The following POFUT2 variants were observed in gnomAD, a reference collection of about 807,000 sequenced individuals.
The protein encoded by POFUT2 is GDP-fucose protein O-fucosyltransferase 2.
POFUT2 carries 30 observed loss-of-function variants against 55.0 expected under a neutral mutation model. The observed-to-expected ratio is 0.55, with a 90% CI of 0.41 to 0.74. The LOEUF is 0.74. Ranked by LOEUF, POFUT2 falls within the 30% of genes least tolerant of loss-of-function variation. The pLI, the probability that POFUT2 is intolerant of heterozygous loss-of-function variation, is 0.00. For missense variants in POFUT2, 524 were observed against 562.6 expected, an observed-to-expected ratio of 0.93 and a Z score of 0.69; for synonymous variants, 267 against 231.1, an observed-to-expected ratio of 1.16 and a Z score of -1.41.
rs1348156690 is a variant in POFUT2 at position 45,265,298 on chromosome 21, GGCTGGCAACGCCGAGGACGGAGCCCA to G, written c.*158_*183del. 10 of 452,252 alleles carry G rather than the reference GGCTGGCAACGCCGAGGACGGAGCCCA, an allele frequency of 2.2e-5. No individual in the cohort carries two copies. The highest frequency in any genetic ancestry group is 1.0e-4 in the African/African-American group (5 of 49,678). The allele number at this position is 452,252 out of a possible 1,614,324, so 28.0% of individuals were successfully genotyped here. On this transcript the variant is annotated 3_prime_UTR_variant, in exon 9 of 9. Coordinates refer to ENST00000349485, the MANE Select transcript of POFUT2 (RefSeq NM_133635.6). This position sits in a 1 kb window ranked among gnomAD's most constrained non-coding sequence, Gnocchi z 4.6. ...GCGGAGCCTCTTCATCAGCCATGGC[GGCTGGCAACGCCGAGGACGGAGCCCA>G]GCTCTAGAGGCGTGGGGCCTCTTCT...
intron 2 of POFUT2, 38 bp from the exon 3 acceptor site, chr21:45,283,565 G>T (rs766150249): frequency 6.8e-6 from 11 of 1,608,720 alleles, no homozygotes; most frequent in Non-Finnish European, 9.3e-6. Flanking sequence ...GTGTGACAGC[G>T]ATCAGAAGCT....
At position 45,267,276 on chromosome 21, in the gene POFUT2, A is replaced by G; in HGVS notation, c.1136+314T>C. 2.1e-6 allele frequency: 3 copies of G among 1,444,332 alleles called. 1 individual carries two copies. The highest frequency in any genetic ancestry group is 2.7e-6 in the Non-Finnish European group (3 of 1,105,048). The allele number at this position is 1,444,332 out of a possible 1,614,324, so 89.5% of individuals were successfully genotyped here. ...ACGGGCAACTCTCAGGGCAGGGGGC[A>G]GACAGGGGCAGAAACCGGGAATGAT... On this transcript the variant is annotated intron_variant, in intron 8 of 8. Coordinates refer to ENST00000349485, the MANE Select transcript of POFUT2 (RefSeq NM_133635.6). This position sits in a 1 kb window ranked among gnomAD's most constrained non-coding sequence, Gnocchi z 4.4.
intron 6 of POFUT2, among the ~76,000 whole-genome samples, chr21:45,273,328 A>T (rs1175380760): frequency 6.6e-6 from 1 of 152,206 alleles, no homozygotes; most frequent in Non-Finnish European, 1.5e-5. Context: ...CTAGATATAG[A>T]CCAGGAAGAA....
chr21:45,267,514 C>G lies in POFUT2; in HGVS notation c.1136+76G>C, dbSNP rs774889771. 3.1e-5 allele frequency: 50 copies of G among 1,614,074 alleles called. No homozygotes were observed. In the East Asian group the frequency reaches 1.1e-3, roughly 36 times the overall value. On this transcript the variant is annotated intron_variant, in intron 8 of 8. Transcript: ENST00000349485. The surrounding 1 kb of genome is among the most constrained non-coding windows in gnomAD (Gnocchi z 4.4). ...GAACACAGGCGACCATCTGCTCTGA[C>G]ACCGAGTACTTGGGACAGAAGAACC...
At chr21:45,283,752 C>G (rs2031054057) in intron 2 of POFUT2, among the ~76,000 whole-genome samples, 1 of 152,126 alleles carries the variant, frequency 6.6e-6, no homozygotes, top group South Asian at 2.1e-4. Flanking sequence ...GAGCTGGTAC[C>G]CGATTCCCCG....
rs754254629 is a variant in POFUT2, at chr21:45,285,872, T to C, written c.188A>G (p.Tyr63Cys). The C allele has an allele frequency of 3.7e-6, 6 of 1,612,964 alleles. No individual in the cohort carries two copies. Among genetic ancestry groups the C allele is most frequent in the Non-Finnish European group, 5.1e-6 (6 of 1,179,848 alleles). Reference sequence around the variant, plus strand: ...CTTCAGGAGAGAGGCGATTCGGATATAGACATCCCTGCGCAGGTTGAAGCC... The same window carrying C: ...CTTCAGGAGAGAGGCGATTCGGATACAGACATCCCTGCGCAGGTTGAAGCC... ...PEGFNLRRDVYIRIASLLKTL... is the reference protein window; with the variant it reads ...PEGFNLRRDVCIRIASLLKTL... Residue 63 changes from tyrosine (Y) to cysteine (C), a missense_variant, in exon 2 of 9, where the codon TAT becomes TGT. By Grantham distance (194) the Tyr-to-Cys change is radical. Around this residue, in one of 2 missense-constraint regions of POFUT2, gnomAD observed 274 missense variants for 244.4 expected, o/e 1.12. Coordinates refer to ENST00000349485, the MANE Select transcript of POFUT2 (RefSeq NM_133635.6). This position sits in a 1 kb window ranked among gnomAD's most constrained non-coding sequence, Gnocchi z 4.9.
At chr21:45,279,817 T>C (rs1011145317) in intron 4 of POFUT2, among the ~76,000 whole-genome samples, 2 of 152,176 alleles carry the variant, frequency 1.3e-5, no homozygotes, top group African/African-American at 2.4e-5. Flanking sequence ...GTGATGTCCA[T>C]GTGTCGTAAT....
rs2030636522 is a variant in POFUT2, at chr21:45,281,526, C to G, written c.638+823G>C. Among the ~76,000 whole-genome samples, 1 of 152,134 alleles carries G rather than the reference C, an allele frequency of 6.6e-6. No homozygotes were observed. Among genetic ancestry groups the G allele is most frequent in the Admixed American group, 6.5e-5 (1 of 15,286 alleles). On this transcript the variant is annotated intron_variant, in intron 4 of 8. Coordinates refer to ENST00000349485, the MANE Select transcript of POFUT2 (RefSeq NM_133635.6). This position sits in a 1 kb window ranked among gnomAD's most constrained non-coding sequence, Gnocchi z 5.0. ...GCAGCTGAGACCATGTGGTCCCGGC[C>G]CGCTGGGGCCAGCGGCAGCTGTTAC...
At position 45,269,893 on chromosome 21, in the gene POFUT2, T is replaced by C; in HGVS notation, c.958A>G (p.Met320Val). ...EGAVRKIRSL[M>V]KTHRLDKVFV... is the part of the protein sequence containing the mutation. ...ACCTTGTCCAGCCGGTGGGTCTTCATGAGGCTGCGGATCTTCCTCACGGCC... is the reference window on the plus strand; with the variant it reads ...ACCTTGTCCAGCCGGTGGGTCTTCACGAGGCTGCGGATCTTCCTCACGGCC... The change falls in exon 7 of 9, where the codon ATG becomes GTG. Residue 320 changes from methionine (M) to valine (V), a missense_variant. Coordinates refer to ENST00000349485, the MANE Select transcript of POFUT2 (RefSeq NM_133635.6). 1 of 1,611,688 alleles carries C rather than the reference T, an allele frequency of 6.2e-7. No individual in the cohort carries two copies. Among genetic ancestry groups the C allele is most frequent in the Non-Finnish European group, 8.5e-7 (1 of 1,179,230 alleles).
At position 45,282,192 on chromosome 21, in the gene POFUT2, C is replaced by A. The variant is rs1324932206; in HGVS notation, c.638+157G>T. On this transcript the variant is annotated intron_variant, in intron 4 of 8. Coordinates refer to ENST00000349485, the MANE Select transcript of POFUT2 (RefSeq NM_133635.6). The surrounding 1 kb of genome is among the most constrained non-coding windows in gnomAD (Gnocchi z 4.6). ...TGTTTCGCAGAGACACATGCAAGCA[C>A]TTCCCTAACCACCACCCCCCAGGGC... 2.0e-5 allele frequency among the ~76,000 whole-genome samples: 3 copies of A among 152,204 alleles called. No homozygotes were observed. Among genetic ancestry groups the A allele is most frequent in the Non-Finnish European group, 4.4e-5 (3 of 68,028 alleles).
chr21:45,268,480 C>T (rs2093179150), intron 7 of POFUT2, among the ~76,000 whole-genome samples: 1 of 151,564 alleles, frequency 6.6e-6, no homozygotes, highest in Non-Finnish European at 1.5e-5. Context: ...TGCCTGGCTG[C>T]CCAGTCTGGA....
At chr21:45,275,728 T>C (rs985917153) in intron 6 of POFUT2, among the ~76,000 whole-genome samples, 7 of 152,156 alleles carry the variant, frequency 4.6e-5, no homozygotes, top group African/African-American at 1.7e-4. Flanking sequence ...CAATGGACTT[T>C]GGGGACTCGA....
chr21:45,275,809 G>A (rs2093257909), intron 6 of POFUT2, among the ~76,000 whole-genome samples: 2 of 152,056 alleles, frequency 1.3e-5, no homozygotes, highest in Non-Finnish European at 2.9e-5. Flanking sequence ...CGGGTGATGG[G>A]TGTACCAAAA....
intron 4 of POFUT2, among the ~76,000 whole-genome samples, chr21:45,280,091 C>T (rs966378891): frequency 2.6e-5 from 4 of 152,154 alleles, no homozygotes; most frequent in South Asian, 2.1e-4. Flanking sequence ...ACATTCCGCA[C>T]GGGCACAGGT....
At position 45,282,751 on chromosome 21, in the gene POFUT2, C is replaced by G; in HGVS notation, c.528-292G>C. ...AGGCAGCCCTGTGCACCTTCAGGGC[C>G]AGCCTGGCTGTGACCGTCAGCCAAG... On this transcript the variant is annotated intron_variant, in intron 3 of 8. Transcript: ENST00000349485. The surrounding 1 kb of genome is among the most constrained non-coding windows in gnomAD (Gnocchi z 4.6). The G allele has an allele frequency of 1.9e-6, 1 of 533,062 alleles. No homozygotes were observed. Among genetic ancestry groups the G allele is most frequent in the Non-Finnish European group, 3.7e-6 (1 of 271,850 alleles). 33.0% of individuals were successfully genotyped at this position (533,062 alleles called of 1,614,324 possible). A position where few individuals can be genotyped will look rare whatever the true frequency, so the allele number is the denominator to read the frequency against.
chr21:45,269,323 A>G (rs1288347947), intron 7 of POFUT2, among the ~76,000 whole-genome samples: 5 of 152,230 alleles, frequency 3.3e-5, no homozygotes, highest in Non-Finnish European at 7.3e-5. Context: ...CAGGATGACA[A>G]TGGCGGCTTT....
intron 4 of POFUT2, among the ~76,000 whole-genome samples, chr21:45,280,381 C>G (rs2030468845): frequency 6.6e-6 from 1 of 152,218 alleles, no homozygotes; most frequent in Non-Finnish European, 1.5e-5. Context: ...CTACCACACT[C>G]TATCCAGTGC....
rs1426802607 is a variant in POFUT2 at position 45,267,756 on chromosome 21, G to A, written c.1013-43C>T. ...AGACCCTTTGAACCGGGATCCTCCA[G>A]TAAGGACAGATACGTGACTCTTTAG... On this transcript the variant is annotated intron_variant, in intron 7 of 8. Transcript: ENST00000349485. This position sits in a 1 kb window ranked among gnomAD's most constrained non-coding sequence, Gnocchi z 4.4. 6 of 1,566,488 alleles carry A rather than the reference G, an allele frequency of 3.8e-6. No individual in the cohort carries two copies. The highest frequency in any genetic ancestry group is 5.3e-6 in the Non-Finnish European group (6 of 1,138,926).
At chr21:45,283,648 G>A (rs1476528005) in intron 2 of POFUT2, 121 bp from the exon 3 acceptor site, 2 of 1,034,686 alleles carry the variant, frequency 1.9e-6, no homozygotes, top group Admixed American at 4.2e-5. Flanking sequence ...CAAAGGGAGT[G>A]TAGGAGGCTC....
Sources: allele counts gnomAD v4.1 joint callset (sites outside exome capture counted in the v4.1 genomes callset), GRCh38; gene constraint gnomAD v4.1.1; regional missense constraint gnomAD v4.1.1; non-coding constraint Gnocchi (gnomAD v3.1); transcripts MANE v1.5; gene names NCBI Gene and HGNC (gene_info 2026-07-23, HGNC 2026-07-21).